The following RPP14 variants were observed in gnomAD, a reference collection of about 807,000 sequenced individuals.
RPP14 encodes ribonuclease P protein subunit p14.
In RPP14, 19 loss-of-function variants were observed where a neutral mutation model predicts 17.8. That is an observed-to-expected ratio of 1.07 (90% CI 0.74 to 1.57). RPP14 has a LOEUF of 1.57. Among genes scored for constraint, RPP14 ranks in the 40% most tolerant of loss-of-function variants. RPP14 has a pLI of 0.00. For missense variants in RPP14, 125 were observed against 140.8 expected (o/e 0.89, Z 0.57); for synonymous variants, 60 against 56.4 (o/e 1.06, Z -0.29).
chr3:58,315,891 G>A (rs2097487772), intron 3 of RPP14: 1 of 152,270 alleles, frequency 6.6e-6, no homozygotes, highest in Non-Finnish European at 1.5e-5. Flanking sequence ...GATCAGGCTG[G>A]TCTCAAACTC....
At chr3:58,317,338 G>C in intron 5 of RPP14, 102 bp from the exon 6 acceptor site, 3 of 749,334 alleles carry the variant, frequency 4.0e-6, no homozygotes, top group Non-Finnish European at 6.8e-6. Flanking sequence ...AAATGCTCCT[G>C]CATCAGCTTT....
rs76792725 is a variant in RPP14 at position 58,308,464 on chromosome 3, G to GT, written c.-21-1834dup. 1.7e-3 allele frequency among the ~76,000 whole-genome samples: 244 copies of GT among 146,806 alleles called. 1 individual carries two copies. The highest frequency in any genetic ancestry group is 2.1e-3 in the Non-Finnish European group (136 of 66,242). On this transcript the variant is annotated intron_variant, in intron 1 of 5. Coordinates refer to ENST00000295959, the MANE Select transcript of RPP14 (RefSeq NM_007042.6). ...ATGCCTGGTTAATTTAAGTTTTTTT[G>GT]TTTTTTTTTTTAGTGACAGGGTCTC... is the stretch of plus-strand genomic sequence containing the variant.
At chr3:58,310,708 G>A in intron 3 of RPP14, 117 bp downstream of exon 3, 1 of 758,254 alleles carries the variant, frequency 1.3e-6, no homozygotes, top group South Asian at 1.7e-5. Context: ...GAGGTGGGCA[G>A]ATCATGAGGT....
chr3:58,315,925 C>T (rs2097487807), intron 3 of RPP14: 1 of 152,328 alleles, frequency 6.6e-6, no homozygotes, highest in African/African-American at 2.4e-5. Flanking sequence ...ATCCGCCCTC[C>T]TTGGCCTCCC....
At chr3:58,309,680 A>G (rs2107499991) in intron 1 of RPP14, among the ~76,000 whole-genome samples, 1 of 152,294 alleles carries the variant, frequency 6.6e-6, no homozygotes, top group African/African-American at 2.4e-5. Flanking sequence ...TCACGAGGTC[A>G]GGAGTTCGAG....
Position 58,310,303 on chromosome 3 carries a change from C to T in RPP14, c.-21-6C>T, listed in dbSNP as rs370681119. On this transcript the variant is annotated splice_polypyrimidine_tract_variant and splice_region_variant and intron_variant, in intron 1 of 5. Transcript: ENST00000295959. ...GGTCATTTCTAGCCCTCTTGACTTA[C>T]TGTAGGTGTGATCAGCACTGGAAAA... The T allele has an allele frequency of 9.1e-4, 1,468 of 1,604,564 alleles. 1 individual carries two copies. The highest frequency in any genetic ancestry group is 1.1e-3 in the Non-Finnish European group (1,297 of 1,171,480).
intron 3 of RPP14, 126 bp from the exon 4 acceptor site, chr3:58,316,389 G>A: frequency 1.2e-6 from 1 of 816,918 alleles, no homozygotes; most frequent in Non-Finnish European, 2.0e-6. Context: ...TAAAGTGCCA[G>A]CACCATTAAA....
At position 58,317,855 on chromosome 3, in the gene RPP14, C is replaced by A. The variant is rs905145814; in HGVS notation, c.*359C>A. ...GCAAAACACACCAAGTTTGGAAATACAATTGTACATGGAGTTTTGATCAAC... is the reference window on the plus strand; with the variant it reads ...GCAAAACACACCAAGTTTGGAAATAAAATTGTACATGGAGTTTTGATCAAC... On this transcript the variant is annotated 3_prime_UTR_variant, in exon 6 of 6. Coordinates refer to ENST00000295959, the MANE Select transcript of RPP14 (RefSeq NM_007042.6). 2 of 703,042 alleles carry A rather than the reference C, an allele frequency of 2.8e-6. No homozygotes were observed. Among genetic ancestry groups the A allele is most frequent in the Admixed American group, 2.0e-5 (1 of 50,010 alleles). The allele number at this position is 703,042 out of a possible 1,614,324, so 43.6% of individuals were successfully genotyped here.
chr3:58,312,498 A>G (rs1023728589), intron 3 of RPP14, among the ~76,000 whole-genome samples: 8 of 152,058 alleles, frequency 5.3e-5, no homozygotes, highest in Non-Finnish European at 1.2e-4. Flanking sequence ...AGAAGTGATG[A>G]ATTTTGTTGG....
chr3:58,318,089 A>C lies in RPP14; in HGVS notation c.*593A>C. Reference sequence around the variant, plus strand: ...AAGACTGTTATGGAAGGCTGGGTTAAAGTTATGGTTCCAGAAGCTTCCAAA... The same window carrying C: ...AAGACTGTTATGGAAGGCTGGGTTACAGTTATGGTTCCAGAAGCTTCCAAA... On this transcript the variant is annotated 3_prime_UTR_variant, in exon 6 of 6. Coordinates refer to ENST00000295959, the MANE Select transcript of RPP14 (RefSeq NM_007042.6). 1 of 670,728 alleles carries C rather than the reference A, an allele frequency of 1.5e-6. No individual in the cohort carries two copies. Among genetic ancestry groups the C allele is most frequent in the Non-Finnish European group, 2.7e-6 (1 of 373,204 alleles). 41.5% of individuals were successfully genotyped at this position (670,728 alleles called of 1,614,324 possible).
intron 3 of RPP14, among the ~76,000 whole-genome samples, chr3:58,311,648 G>A (rs2097482350): frequency 6.7e-6 from 1 of 149,598 alleles, no homozygotes; most frequent in Admixed American, 6.7e-5. Flanking sequence ...TCCATTGATG[G>A]GCACTTAAGT....
chr3:58,312,954 C>G (rs962248397), intron 3 of RPP14, among the ~76,000 whole-genome samples: 10 of 109,412 alleles, frequency 9.1e-5, no homozygotes, highest in Non-Finnish European at 1.4e-4. Context: ...GAGCAAGACT[C>G]TGTCTCAAAA....
intron 3 of RPP14, 105 bp from the exon 4 acceptor site, chr3:58,316,410 C>T: frequency 9.9e-7 from 1 of 1,006,714 alleles, no homozygotes; most frequent in South Asian, 1.3e-5. Flanking sequence ...TAAAATACTG[C>T]TTATGTGGAG....
Position 58,317,589 on chromosome 3 carries a change from T to A in RPP14, c.*93T>A. On this transcript the variant is annotated 3_prime_UTR_variant, in exon 6 of 6. Transcript: ENST00000295959. ...GAAGACTGAAGCAGGCTAAAAGCTC[T>A]TGATGAAATTTGAGGGTGCTGAAGA... is the stretch of plus-strand genomic sequence containing the variant. The A allele has an allele frequency of 2.3e-6, 2 of 873,124 alleles. No homozygotes were observed. Among genetic ancestry groups the A allele is most frequent in the Non-Finnish European group, 3.8e-6 (2 of 530,374 alleles). 54.1% of individuals were successfully genotyped at this position (873,124 alleles called of 1,614,324 possible). A position where few individuals can be genotyped will look rare whatever the true frequency, so the allele number is the denominator to read the frequency against.
chr3:58,307,468 A>G (rs1294388741), intron 1 of RPP14, among the ~76,000 whole-genome samples: 1 of 152,212 alleles, frequency 6.6e-6, no homozygotes, highest in Non-Finnish European at 1.5e-5. Context: ...TCATGCCTGT[A>G]ATCCCAGCAC....
rs937889787 is a variant in RPP14, at chr3:58,318,269, C to T, written c.*773C>T. 4.9e-5 allele frequency: 27 copies of T among 552,848 alleles called. No individual in the cohort carries two copies. Among genetic ancestry groups the T allele is most frequent in the South Asian group, 2.4e-4 (9 of 37,944 alleles). 34.2% of individuals were successfully genotyped at this position (552,848 alleles called of 1,614,324 possible). A position where few individuals can be genotyped will look rare whatever the true frequency, so the allele number is the denominator to read the frequency against. Reference sequence around the variant, plus strand: ...GAGCAGGAAGAGGGTTGTTCAAATGCCCACTTTCCAGTTTGGCCTTATGCT... The same window carrying T: ...GAGCAGGAAGAGGGTTGTTCAAATGTCCACTTTCCAGTTTGGCCTTATGCT... On this transcript the variant is annotated 3_prime_UTR_variant, in exon 6 of 6. Coordinates refer to ENST00000295959, the MANE Select transcript of RPP14 (RefSeq NM_007042.6).
intron 3 of RPP14, among the ~76,000 whole-genome samples, chr3:58,314,675 A>ATTTTTTTTTTTTTTTTTTTTTTTTTT (rs751757663): frequency 7.7e-5 from 7 of 90,560 alleles, no homozygotes; most frequent in Non-Finnish European, 5.8e-5. Flanking sequence ...GTTTGGCAGT[A>ATTTTTTTTTTTTTTTTTTTTTTTTTT]TTTTTTTTTT....
chr3:58,308,350 C>T (rs1430334781), intron 1 of RPP14, among the ~76,000 whole-genome samples: 1 of 152,182 alleles, frequency 6.6e-6, no homozygotes, highest in Admixed American at 6.6e-5. Context: ...GTGGTACAAT[C>T]ACAGTGCACT....
chr3:58,310,668 C>T lies in RPP14; in HGVS notation c.162+77C>T, dbSNP rs868485516. ...CAGAAAGAGGCCGGGCGCGGTAGCT[C>T]ACGCCTGTAATCCCAGCACTTTGGA... is the stretch of plus-strand genomic sequence containing the variant. On this transcript the variant is annotated intron_variant, in intron 3 of 5. Transcript: ENST00000295959. 192 of 1,274,500 alleles carry T rather than the reference C, an allele frequency of 1.5e-4. 2 individuals carry two copies. The Middle Eastern group carries it at 9.3e-3, about 62-fold the overall frequency. 78.9% of individuals were successfully genotyped at this position (1,274,500 alleles called of 1,614,324 possible).
Sources: gnomAD v4.1 joint callset for allele counts (sites outside exome capture counted in the v4.1 genomes callset) on GRCh38, gnomAD v4.1.1 for gene constraint, MANE v1.5 for transcripts, NCBI Gene and HGNC (gene_info 2026-07-23, HGNC 2026-07-21) for gene names.